LRRC28: variants seen among roughly 807,000 people sequenced by gnomAD.
LRRC28 encodes the protein leucine rich repeat containing 28, also known as leucine-rich repeat-containing protein 28.
LRRC28 carries 39 observed loss-of-function variants against 45.7 expected under a neutral mutation model. That is an observed-to-expected ratio of 0.85 (90% CI 0.66 to 1.12). The LOEUF is 1.12. Among genes scored for constraint, LRRC28 ranks in the 50% most tolerant of loss-of-function variants. The pLI is 0.00. For missense variants in LRRC28, 435 were observed against 438.5 expected (o/e 0.99, Z 0.07); for synonymous variants, 206 against 178.8 (o/e 1.15, Z -1.22).
intron 2 of LRRC28, chr15:99,260,146 G>A (rs1243060468): frequency 1.7e-5 from 5 of 289,268 alleles, no homozygotes; most frequent in Non-Finnish European, 3.5e-5. Flanking sequence ...TAAAATGTGG[G>A]ATTATGGGTT....
intron 5 of LRRC28, among the ~76,000 whole-genome samples, chr15:99,316,600 T>A (rs999402365): frequency 4.6e-5 from 7 of 152,000 alleles, no homozygotes; most frequent in South Asian, 2.1e-4. Context: ...ACATGTGCCA[T>A]AGGGGGCTGA....
At chr15:99,261,937 G>A (rs4360910) in intron 2 of LRRC28, among the ~76,000 whole-genome samples, 4 of 152,002 alleles carry the variant, frequency 2.6e-5, no homozygotes, top group Non-Finnish European at 4.4e-5. Context: ...GATTACAGGC[G>A]TGAGCCACTG....
intron 9 of LRRC28, among the ~76,000 whole-genome samples, chr15:99,367,554 C>T (rs1044531400): frequency 3.9e-5 from 6 of 152,118 alleles, no homozygotes; most frequent in African/African-American, 1.4e-4. Context: ...CTAATCACCT[C>T]TTAAAGGCCT....
chr15:99,322,133 A>G (rs757268085), intron 5 of LRRC28, among the ~76,000 whole-genome samples: 2 of 152,188 alleles, frequency 1.3e-5, no homozygotes, highest in African/African-American at 4.8e-5. Flanking sequence ...AGAAGGAAGG[A>G]CAAGGTAATT....
At chr15:99,290,913 A>C (rs1203861494) in intron 5 of LRRC28, among the ~76,000 whole-genome samples, 4 of 152,144 alleles carry the variant, frequency 2.6e-5, no homozygotes, top group Non-Finnish European at 5.9e-5. Context: ...GGCTGCAGTG[A>C]ACTCTGATTG....
intron 5 of LRRC28, among the ~76,000 whole-genome samples, chr15:99,314,755 G>C (rs1262521368): frequency 6.6e-6 from 1 of 152,160 alleles, no homozygotes; most frequent in Non-Finnish European, 1.5e-5. Context: ...TAAGATGTTT[G>C]AACATCAATC....
intron 7 of LRRC28, among the ~76,000 whole-genome samples, chr15:99,358,527 A>C (rs1050130170): frequency 6.6e-6 from 1 of 152,180 alleles, no homozygotes; most frequent in Non-Finnish European, 1.5e-5. Context: ...AAATGATAGA[A>C]TCTTCTATAA....
intron 5 of LRRC28, among the ~76,000 whole-genome samples, chr15:99,306,811 C>G (rs1352201493): frequency 1.3e-5 from 2 of 151,014 alleles, no homozygotes; most frequent in African/African-American, 4.8e-5. Context: ...GCTAACACTT[C>G]AGGTTGGTCT....
chr15:99,302,131 A>G (rs1273384469), intron 5 of LRRC28, among the ~76,000 whole-genome samples: 2 of 150,732 alleles, frequency 1.3e-5, no homozygotes, highest in African/African-American at 2.4e-5. Flanking sequence ...GGTTCACACC[A>G]TTCTCCTGCC....
intron 9 of LRRC28, among the ~76,000 whole-genome samples, chr15:99,379,924 G>A (rs913460302): frequency 1.3e-5 from 2 of 152,172 alleles, no homozygotes; most frequent in Non-Finnish European, 2.9e-5. Flanking sequence ...TGTAATTTCT[G>A]TTCTTTTACA....
chr15:99,350,271 T>G (rs1956837631), intron 6 of LRRC28, among the ~76,000 whole-genome samples: 1 of 152,222 alleles, frequency 6.6e-6, no homozygotes, highest in Non-Finnish European at 1.5e-5. Flanking sequence ...CTCTCATACG[T>G]AGCTGGTAGG....
intron 2 of LRRC28, among the ~76,000 whole-genome samples, chr15:99,257,086 T>C (rs1044122913): frequency 5.9e-5 from 9 of 152,248 alleles, no homozygotes; most frequent in African/African-American, 1.7e-4. Context: ...TGGAAAAGTT[T>C]TATTTAATCT....
At chr15:99,253,129 T>TC (rs2080907032) in intron 1 of LRRC28, among the ~76,000 whole-genome samples, 1 of 151,460 alleles carries the variant, frequency 6.6e-6, no homozygotes, top group Admixed American at 6.6e-5. Flanking sequence ...GAAGTGATTT[T>TC]TTTTTTTTTA....
rs1958083469 is a variant in LRRC28, at chr15:99,388,137, T to C, written c.*2035T>C. On this transcript the variant is annotated 3_prime_UTR_variant, in exon 10 of 10. Coordinates refer to ENST00000301981, the MANE Select transcript of LRRC28 (RefSeq NM_144598.5). ...AATAATTGAAGTTTAACATAACCTC[T>C]ACATGTATATAAGTTAGCTGGTGAA... 1 of 152,256 alleles carries C rather than the reference T, an allele frequency of 6.6e-6. No individual in the cohort carries two copies. The highest frequency in any genetic ancestry group is 2.4e-5 in the African/African-American group (1 of 41,474). The allele number at this position is 152,256 out of a possible 1,614,324, so 9.4% of individuals were successfully genotyped here.
intron 5 of LRRC28, among the ~76,000 whole-genome samples, chr15:99,323,806 T>C (rs746427263): frequency 1.3e-5 from 2 of 152,252 alleles, no homozygotes; most frequent in Non-Finnish European, 2.9e-5. Context: ...TTTTAATCAC[T>C]ATTAATCTCC....
At chr15:99,359,916 T>C (rs1045718402) in intron 7 of LRRC28, among the ~76,000 whole-genome samples, 3 of 152,168 alleles carry the variant, frequency 2.0e-5, no homozygotes, top group Non-Finnish European at 2.9e-5. Flanking sequence ...ACCTCTTCTG[T>C]TTATCTCAGG....
intron 9 of LRRC28, among the ~76,000 whole-genome samples, chr15:99,368,115 A>G (rs1957389215): frequency 6.6e-6 from 1 of 152,152 alleles, no homozygotes; most frequent in Non-Finnish European, 1.5e-5. Context: ...CCCAAAACTC[A>G]TGTCCTCACA....
At chr15:99,284,451 G>C (rs1246198460) in intron 3 of LRRC28, among the ~76,000 whole-genome samples, 1 of 152,130 alleles carries the variant, frequency 6.6e-6, no homozygotes. Flanking sequence ...TACAGTCCTC[G>C]AGTTTTTTGC....
At chr15:99,351,632 C>T (rs569569481) in intron 6 of LRRC28, among the ~76,000 whole-genome samples, 2 of 152,302 alleles carry the variant, frequency 1.3e-5, no homozygotes, top group Non-Finnish European at 2.9e-5. Context: ...CTTCAGACTC[C>T]TGCCTAGCCA....
Sources: allele counts gnomAD v4.1 joint callset (sites outside exome capture counted in the v4.1 genomes callset), GRCh38; gene constraint gnomAD v4.1.1; transcripts MANE v1.5; gene names NCBI Gene and HGNC (gene_info 2026-07-23, HGNC 2026-07-21).